The following SLC9A1 variants were observed in gnomAD, a reference collection of about 807,000 sequenced individuals.
The protein encoded by SLC9A1 is solute carrier family 9 member A1.
Under a neutral mutation model 67.9 loss-of-function variants are expected in SLC9A1, and 22 were observed. That is an observed-to-expected ratio of 0.32 (90% CI 0.23 to 0.46). SLC9A1 has a LOEUF of 0.46. Among genes scored for constraint, SLC9A1 ranks in the 20% least tolerant of loss-of-function variants. The probability of loss-of-function intolerance (pLI) is 1.00; values close to 1 mark genes in which losing one functional copy is unlikely to be tolerated. For missense variants in SLC9A1, 686 were observed against 1,094.8 expected (o/e 0.63, Z 5.27); for synonymous variants, 421 against 471.8 (o/e 0.89, Z 1.40).
intron 1 of SLC9A1, among the ~76,000 whole-genome samples, chr1:27,135,568 GCACCTGCTCT>G (rs1238364664): frequency 1.4e-5 from 2 of 144,312 alleles, no homozygotes; most frequent in Non-Finnish European, 3.0e-5. Context: ...AATGTTCTGA[GCACCTGCTCT>G]CTGAGTCAAA....
intron 2 of SLC9A1, among the ~76,000 whole-genome samples, chr1:27,112,246 T>C (rs1161664953): frequency 6.6e-6 from 1 of 152,058 alleles, no homozygotes; most frequent in Non-Finnish European, 1.5e-5. Context: ...CCCAGCCCCA[T>C]GAGGAGGCGT....
intron 1 of SLC9A1, among the ~76,000 whole-genome samples, chr1:27,131,947 A>AAAAAAAATATATATATATATATATATAT: frequency 1.9e-5 from 1 of 52,126 alleles, no homozygotes; most frequent in African/African-American, 6.3e-5. Context: ...AGAAAAAAAA[A>AAAAAAAATATATATATATATATATATAT]ATATATATAT....
Position 27,109,526 on chromosome 1 carries a change from C to T in SLC9A1, c.1064+1G>A. ...CCACTGCCTGCTGCACGCAGACTCA[C>T]GCCATGATGCCTGACAGGTGGAAGA... On this transcript the variant is annotated splice_donor_variant, in intron 3 of 11. Coordinates refer to ENST00000263980, the MANE Select transcript of SLC9A1 (RefSeq NM_003047.5). LOFTEE classifies it high-confidence loss of function. This position sits in a 1 kb window ranked among gnomAD's most constrained non-coding sequence, Gnocchi z 5.5. 2.5e-6 allele frequency: 4 copies of T among 1,612,312 alleles called. No individual in the cohort carries two copies. The highest frequency in any genetic ancestry group is 3.4e-6 in the Non-Finnish European group (4 of 1,179,594).
chr1:27,127,120 C>T (rs1430254591), intron 1 of SLC9A1, among the ~76,000 whole-genome samples: 1 of 151,922 alleles, frequency 6.6e-6, no homozygotes, highest in Non-Finnish European at 1.5e-5. Flanking sequence ...CTCACCTCAG[C>T]CCCCCATGTA....
chr1:27,134,607 C>T (rs1190626400), intron 1 of SLC9A1, among the ~76,000 whole-genome samples: 1 of 152,154 alleles, frequency 6.6e-6, no homozygotes, highest in African/African-American at 2.4e-5. Flanking sequence ...GGGTGAACGG[C>T]CGCAAGTGAC....
Position 27,106,169 on chromosome 1 carries a change from G to T in SLC9A1, c.1283-82C>A. The T allele has an allele frequency of 1.1e-6, 1 of 903,550 alleles. No homozygotes were observed. The highest frequency in any genetic ancestry group is 1.7e-6 in the Non-Finnish European group (1 of 572,614). 56.0% of individuals were successfully genotyped at this position (903,550 alleles called of 1,614,324 possible). On this transcript the variant is annotated intron_variant, in intron 4 of 11. Transcript: ENST00000263980. This position sits in a 1 kb window ranked among gnomAD's most constrained non-coding sequence, Gnocchi z 4.3. ...TGGATTCTGCATCAGTGATTTCTCT[G>T]TGCATCCAGGAAGTCTCCATTACGA...
At chr1:27,103,677 C>T (rs2083163781) in intron 5 of SLC9A1, 1 of 295,398 alleles carries the variant, frequency 3.4e-6, no homozygotes, top group Non-Finnish European at 6.7e-6. Flanking sequence ...TGCACTGCCT[C>T]CCCACCAGGA....
chr1:27,114,271 G>A lies in SLC9A1; in HGVS notation c.368C>T (p.Pro123Leu). 1 of 1,609,508 alleles carries A rather than the reference G, an allele frequency of 6.2e-7. No homozygotes were observed. Among genetic ancestry groups the A allele is most frequent in the Non-Finnish European group, 8.5e-7 (1 of 1,176,150 alleles). The change falls in exon 2 of 12, where the codon CCC becomes CTC. Residue 123 changes from proline to leucine, a missense_variant. Coordinates refer to ENST00000263980, the MANE Select transcript of SLC9A1 (RefSeq NM_003047.5). This position sits in a 1 kb window ranked among gnomAD's most constrained non-coding sequence, Gnocchi z 5.4. ...CTCCGGGACGATGCTTGAGATAGTGGGGATCACATGGAAACCTGCGGAGGG... is the reference window on the plus strand; with the variant it reads ...CTCCGGGACGATGCTTGAGATAGTGAGGATCACATGGAAACCTGCGGAGGG... The part of the protein sequence containing the change: ...CLMKIGFHVI[P>L]TISSIVPESC...
At chr1:27,102,827 T>C (rs1212831957) in intron 6 of SLC9A1, 84 bp from the exon 7 acceptor site, 4 of 1,211,906 alleles carry the variant, frequency 3.3e-6, no homozygotes, top group Non-Finnish European at 2.4e-6. Context: ...CTCCCTCCCG[T>C]AGCTGCAGCC....
At position 27,101,849 on chromosome 1, in the gene SLC9A1, G is replaced by T; in HGVS notation, c.1936-23C>A. The T allele has an allele frequency of 6.4e-7, 1 of 1,571,758 alleles. No homozygotes were observed. Among genetic ancestry groups the T allele is most frequent in the Non-Finnish European group, 8.7e-7 (1 of 1,144,298 alleles). ...CAGCTGTGGGAGGGACAGCGTCAGG[G>T]CAGTGCGGGCCCCGGAAGGCTCTGC... On this transcript the variant is annotated intron_variant, in intron 9 of 11. Transcript: ENST00000263980. The surrounding 1 kb of genome is among the most constrained non-coding windows in gnomAD (Gnocchi z 4.9).
intron 2 of SLC9A1, among the ~76,000 whole-genome samples, chr1:27,113,448 C>G (rs553173720): frequency 1.3e-5 from 2 of 152,206 alleles, no homozygotes; most frequent in African/African-American, 2.4e-5. Context: ...AGGGCAAGAC[C>G]CTGTCTCTTA....
In SLC9A1 at chr1:27,100,424, G is replaced by A. The variant is rs1412848933; in HGVS notation, c.2331C>T (p.Val777=). The A allele has an allele frequency of 6.2e-7, 1 of 1,611,924 alleles. No individual in the cohort carries two copies. The highest frequency in any genetic ancestry group is 8.5e-7 in the Non-Finnish European group (1 of 1,178,738). ...KETSSPGTDD[V]FTPAPSDSPS... ...GGCTGTCACTGGGCGCGGGGGTGAAGACATCGTCGGTTCCTGGGGACGAAG... is the reference window on the plus strand; with the variant it reads ...GGCTGTCACTGGGCGCGGGGGTGAAAACATCGTCGGTTCCTGGGGACGAAG... The change falls in exon 12 of 12, where the codon GTC becomes GTT. Residue 777 remains valine, a synonymous_variant. Coordinates refer to ENST00000263980, the MANE Select transcript of SLC9A1 (RefSeq NM_003047.5). The surrounding 1 kb of genome is among the most constrained non-coding windows in gnomAD (Gnocchi z 5.6).
In SLC9A1 at chr1:27,101,685, T is replaced by G; in HGVS notation, c.2037+40A>C. 2 of 1,406,952 alleles carry G rather than the reference T, an allele frequency of 1.4e-6. No homozygotes were observed. Among genetic ancestry groups the G allele is most frequent in the Non-Finnish European group, 2.0e-6 (2 of 1,001,374 alleles). 87.2% of individuals were successfully genotyped at this position (1,406,952 alleles called of 1,614,324 possible). A position where few individuals can be genotyped will look rare whatever the true frequency, so the allele number is the denominator to read the frequency against. On this transcript the variant is annotated intron_variant, in intron 10 of 11. Coordinates refer to ENST00000263980, the MANE Select transcript of SLC9A1 (RefSeq NM_003047.5). The surrounding 1 kb of genome is among the most constrained non-coding windows in gnomAD (Gnocchi z 4.9). ...GAGGCTGTGGCGGAGCTTGGGCGAG[T>G]GGGGTGGGATACAGATTCCCAGAGG...
At chr1:27,112,757 G>A (rs1166471908) in intron 2 of SLC9A1, among the ~76,000 whole-genome samples, 1 of 151,940 alleles carries the variant, frequency 6.6e-6, no homozygotes, top group Non-Finnish European at 1.5e-5. Context: ...GGTGACACAC[G>A]CCTGTAATCC....
chr1:27,129,022 C>T (rs2083367121), intron 1 of SLC9A1, among the ~76,000 whole-genome samples: 1 of 152,150 alleles, frequency 6.6e-6, no homozygotes, highest in South Asian at 2.1e-4. Context: ...CACTCCCGTG[C>T]AGATCTAGAT....
chr1:27,140,762 TTAAA>T (rs1409186424), intron 1 of SLC9A1, among the ~76,000 whole-genome samples: 1 of 152,196 alleles, frequency 6.6e-6, no homozygotes, highest in Non-Finnish European at 1.5e-5. Flanking sequence ...CCTTTGCTCA[TTAAA>T]TGTTTCAGAC....
chr1:27,121,391 T>C (rs896417778), intron 1 of SLC9A1, among the ~76,000 whole-genome samples: 2 of 152,188 alleles, frequency 1.3e-5, no homozygotes, highest in African/African-American at 4.8e-5. Flanking sequence ...TTAGTAACCA[T>C]GAGCTTTGCG....
In SLC9A1 at chr1:27,099,522, A is replaced by ATTTT. The variant is rs1238601794; in HGVS notation, c.*784_*785insAAAA. On this transcript the variant is annotated 3_prime_UTR_variant, in exon 12 of 12. Coordinates refer to ENST00000263980, the MANE Select transcript of SLC9A1 (RefSeq NM_003047.5). The stretch of plus-strand genomic sequence containing the variant: ...GCCAGGGGTTTTCAAAATGTTTTAA[A>ATTTT]AACAGGAGCGCCCTCTGTGCAAACA... The ATTTT allele has an allele frequency of 6.6e-6, 1 of 152,646 alleles. No individual in the cohort carries two copies. Among genetic ancestry groups the ATTTT allele is most frequent in the East Asian group, 1.9e-4 (1 of 5,196 alleles). The allele number at this position is 152,646 out of a possible 1,614,324, so 9.5% of individuals were successfully genotyped here. A position where few individuals can be genotyped will look rare whatever the true frequency, so the allele number is the denominator to read the frequency against.
chr1:27,120,416 G>A (rs955262734), intron 1 of SLC9A1, among the ~76,000 whole-genome samples: 13 of 151,344 alleles, frequency 8.6e-5, no homozygotes, highest in South Asian at 2.1e-4. Context: ...GTGAGCCACC[G>A]CACCTGGCCA....
Sources: allele counts gnomAD v4.1 joint callset (sites outside exome capture counted in the v4.1 genomes callset), GRCh38; gene constraint gnomAD v4.1.1; non-coding constraint Gnocchi (gnomAD v3.1); transcripts MANE v1.5; gene names NCBI Gene and HGNC (gene_info 2026-07-23, HGNC 2026-07-21).